Variants in RBMS3 observed in about 807,000 individuals in gnomAD.
RBMS3 encodes RNA binding motif single stranded interacting protein 3, also known as RNA-binding motif, single-stranded-interacting protein 3.
Under a neutral mutation model 66.8 loss-of-function variants are expected in RBMS3, and 27 were observed. The observed-to-expected ratio is 0.40, with a 90% CI of 0.30 to 0.56. The LOEUF (loss-of-function observed/expected upper bound fraction) is 0.56, where lower values mean the gene tolerates loss of function less well. RBMS3 is among the 20% of genes least tolerant of loss of function. RBMS3 has a pLI of 0.40. For synonymous variants in RBMS3, 188 were observed against 183.0 expected (o/e 1.03, Z -0.22); for missense variants, 513 against 549.5 (o/e 0.93, Z 0.66).
chr3:29,333,188 G>C (rs1041456425), intron 1 of RBMS3, among the ~76,000 whole-genome samples: 14 of 152,056 alleles, frequency 9.2e-5, no homozygotes, highest in South Asian at 2.1e-4. Flanking sequence ...TAAGGGAAAA[G>C]GTTCTGGCAA....
In RBMS3 at chr3:29,473,678, C is replaced by T. The variant is rs187970367; in HGVS notation, c.249-14763C>T. 1.2e-3 allele frequency among the ~76,000 whole-genome samples: 179 copies of T among 152,354 alleles called. 1 individual carries two copies. Among genetic ancestry groups the T allele is most frequent in the African/African-American group, 4.1e-3 (170 of 41,586 alleles). On this transcript the variant is annotated intron_variant, in intron 2 of 14. Coordinates refer to ENST00000383767, the MANE Select transcript of RBMS3 (RefSeq NM_001003793.3). ...AGGCAGCTAAGGCACGGTGAGAAATCGAGTGCAGCGCCAGTGGGCCGGCAC... is the reference window on the plus strand; with the variant it reads ...AGGCAGCTAAGGCACGGTGAGAAATTGAGTGCAGCGCCAGTGGGCCGGCAC...
intron 6 of RBMS3, among the ~76,000 whole-genome samples, chr3:29,823,742 T>A (rs922211788): frequency 1.3e-5 from 2 of 152,160 alleles, no homozygotes; most frequent in Non-Finnish European, 2.9e-5. Context: ...CTAGCACATG[T>A]CTTTAGGTGA....
chr3:29,775,283 A>T (rs2056387507), intron 6 of RBMS3, among the ~76,000 whole-genome samples: 1 of 150,362 alleles, frequency 6.7e-6, no homozygotes, highest in Non-Finnish European at 1.5e-5. Context: ...TTTTTGGTAA[A>T]CAAGCATTCA....
chr3:29,818,650 C>T (rs919901311), intron 6 of RBMS3, among the ~76,000 whole-genome samples: 1 of 152,060 alleles, frequency 6.6e-6, no homozygotes, highest in African/African-American at 2.4e-5. Flanking sequence ...ATAAGAAAAA[C>T]ACTTATTTGC....
At chr3:29,651,624 T>G (rs1384088335) in intron 4 of RBMS3, among the ~76,000 whole-genome samples, 1 of 152,148 alleles carries the variant, frequency 6.6e-6, no homozygotes, top group Non-Finnish European at 1.5e-5. Flanking sequence ...AGTTGGTTAG[T>G]TTTTAAGTAC....
At chr3:29,329,850 AAT>A (rs1404946630) in intron 1 of RBMS3, among the ~76,000 whole-genome samples, 9 of 147,998 alleles carry the variant, frequency 6.1e-5, no homozygotes, top group Middle Eastern at 3.6e-3. Context: ...GAAAAATTTT[AAT>A]ATATATTAAC....
intron 1 of RBMS3, among the ~76,000 whole-genome samples, chr3:29,314,163 A>T (rs556565151): frequency 5.9e-5 from 9 of 151,826 alleles, no homozygotes; most frequent in African/African-American, 2.2e-4. Flanking sequence ...TGTTTAACTC[A>T]GTCTTCATAG....
intron 6 of RBMS3, among the ~76,000 whole-genome samples, chr3:29,847,105 C>A (rs1295609149): frequency 3.3e-5 from 5 of 152,030 alleles, no homozygotes; most frequent in African/African-American, 1.2e-4. Flanking sequence ...CATGACACAG[C>A]CTTGGGAAAG....
chr3:29,849,816 A>T (rs2058888117), intron 6 of RBMS3, among the ~76,000 whole-genome samples: 1 of 152,186 alleles, frequency 6.6e-6, no homozygotes, highest in South Asian at 2.1e-4. Context: ...AATGCATCTC[A>T]CCTATGTAAC....
chr3:29,944,836 C>T (rs1320197612), intron 12 of RBMS3, among the ~76,000 whole-genome samples: 1 of 151,622 alleles, frequency 6.6e-6, no homozygotes, highest in African/African-American at 2.4e-5. Context: ...TCTATTTATA[C>T]AAAAAAGTGG....
intron 4 of RBMS3, chr3:29,616,131 T>C (rs1457855729): frequency 6.6e-6 from 1 of 152,188 alleles, no homozygotes; most frequent in Non-Finnish European, 1.5e-5. Context: ...TCCTCTAGTT[T>C]TCTGTTTTAA....
chr3:29,842,512 T>C (rs73053769), intron 6 of RBMS3, among the ~76,000 whole-genome samples: 7,713 of 152,242 alleles, frequency 0.051, 277 homozygotes, highest in East Asian at 0.12. Context: ...CAGTAATTAC[T>C]ATTATTATTA....
intron 1 of RBMS3, among the ~76,000 whole-genome samples, chr3:29,381,019 G>A (rs1247012337): frequency 6.6e-6 from 1 of 152,144 alleles, no homozygotes; most frequent in Non-Finnish European, 1.5e-5. Flanking sequence ...TCTCTCCTGT[G>A]TCTCTCGATA....
chr3:30,006,930 C>T lies in RBMS3; in HGVS notation c.*3068C>T, dbSNP rs897394738. Reference sequence around the variant, plus strand: ...AAATTTCAATATCAATTTTTTAAGCCAGTTTCTGCAAAAGGAAATGACCTG... The same window carrying T: ...AAATTTCAATATCAATTTTTTAAGCTAGTTTCTGCAAAAGGAAATGACCTG... On this transcript the variant is annotated 3_prime_UTR_variant, in exon 15 of 15. Coordinates refer to ENST00000383767, the MANE Select transcript of RBMS3 (RefSeq NM_001003793.3). 6.6e-6 allele frequency: 1 copy of T among 151,614 alleles called. No homozygotes were observed. The highest frequency in any genetic ancestry group is 1.5e-5 in the Non-Finnish European group (1 of 67,838). The allele number at this position is 151,614 out of a possible 1,614,324, so 9.4% of individuals were successfully genotyped here.
chr3:29,406,915 C>T (rs1252107045), intron 1 of RBMS3, among the ~76,000 whole-genome samples: 2 of 152,132 alleles, frequency 1.3e-5, no homozygotes. Flanking sequence ...GCATCACAGT[C>T]ACTTACCTAT....
chr3:29,758,063 G>A (rs2055503220), intron 5 of RBMS3, among the ~76,000 whole-genome samples: 1 of 152,168 alleles, frequency 6.6e-6, no homozygotes, highest in African/African-American at 2.4e-5. Context: ...AAGACCCCTA[G>A]TTTTCATGGG....
chr3:29,619,004 G>A (rs2048770515), intron 4 of RBMS3, among the ~76,000 whole-genome samples: 1 of 152,134 alleles, frequency 6.6e-6, no homozygotes, highest in Non-Finnish European at 1.5e-5. Context: ...GTGTGTGAGA[G>A]AGTATGTGAG....
intron 6 of RBMS3, among the ~76,000 whole-genome samples, chr3:29,809,511 C>T (rs1040252593): frequency 6.6e-6 from 1 of 151,826 alleles, no homozygotes; most frequent in Non-Finnish European, 1.5e-5. Flanking sequence ...AGTAACGGGG[C>T]CTTCAACTAT....
chr3:29,976,066 G>T (rs1180564745), intron 12 of RBMS3, among the ~76,000 whole-genome samples: 1 of 150,768 alleles, frequency 6.6e-6, no homozygotes, highest in Non-Finnish European at 1.5e-5. Context: ...TAGTTATTTT[G>T]GTTTTTGATG....
Sources: gnomAD v4.1 joint callset for allele counts (sites outside exome capture counted in the v4.1 genomes callset) on GRCh38, gnomAD v4.1.1 for gene constraint, MANE v1.5 for transcripts, NCBI Gene and HGNC (gene_info 2026-07-23, HGNC 2026-07-21) for gene names.